XPR1: variants seen among roughly 807,000 people sequenced by gnomAD.
XPR1 encodes the protein xenotropic and polytropic retrovirus receptor 1, also known as solute carrier family 53 member 1.
Under a neutral mutation model 87.5 loss-of-function variants are expected in XPR1, and 28 were observed. That is an observed-to-expected ratio of 0.32 (90% CI 0.24 to 0.44). The LOEUF is 0.44. Among genes scored for constraint, XPR1 ranks in the 20% least tolerant of loss-of-function variants. XPR1 has a pLI of 1.00. For missense variants in XPR1, 559 were observed against 862.3 expected (o/e 0.65, Z 4.41); for synonymous variants, 300 against 306.1 (o/e 0.98, Z 0.21).
intron 2 of XPR1, among the ~76,000 whole-genome samples, chr1:180,773,772 A>C (rs1648607903): frequency 6.6e-6 from 1 of 152,110 alleles, no homozygotes; most frequent in Non-Finnish European, 1.5e-5. Flanking sequence ...TGCAGCTATA[A>C]AGTATGCTTC....
chr1:180,770,879 G>T (rs1023095406), intron 2 of XPR1, among the ~76,000 whole-genome samples: 6 of 151,782 alleles, frequency 4.0e-5, no homozygotes, highest in Non-Finnish European at 5.9e-5. Context: ...CTCAACTCCC[G>T]CTTATTATTA....
chr1:180,874,258 G>A (rs1652591650), intron 13 of XPR1, among the ~76,000 whole-genome samples: 1 of 152,132 alleles, frequency 6.6e-6, no homozygotes, highest in Non-Finnish European at 1.5e-5. Flanking sequence ...TCTTTAGAAC[G>A]GGGTTCCATT....
chr1:180,662,951 A>C (rs1305037357), intron 1 of XPR1, among the ~76,000 whole-genome samples: 1 of 152,010 alleles, frequency 6.6e-6, no homozygotes, highest in African/African-American at 2.4e-5. Flanking sequence ...TGCATTTTCA[A>C]CTCCAGAATT....
rs10914123 is a variant in XPR1 at position 180,880,358 on chromosome 1, T to C, written c.2030+61T>C. 0.53 allele frequency: 837,281 copies of C among 1,585,360 alleles called. 224,715 individuals carry two copies. Among genetic ancestry groups the C allele is most frequent in the East Asian group, 0.81 (35,983 of 44,662 alleles). ...CTTTGAGTTTTAGCATTGGGTAGCA[T>C]GTAAGCTAAAAAGCTATCAGGTTGA... On this transcript the variant is annotated intron_variant, in intron 14 of 14. Coordinates refer to ENST00000367590, the MANE Select transcript of XPR1 (RefSeq NM_004736.4).
At position 180,672,566 on chromosome 1, in the gene XPR1, A is replaced by C. The variant is rs535832391; in HGVS notation, c.70-9794A>C. 5.3e-5 allele frequency among the ~76,000 whole-genome samples: 8 copies of C among 152,310 alleles called. No individual in the cohort carries two copies. In the South Asian group the frequency reaches 1.4e-3, roughly 28 times the overall value. Reference sequence around the variant, plus strand: ...TCTTTTGAGGTTTATAATTTGATTTACAAAACTGTCCTGTTTATTTTAGTA... The same window carrying C: ...TCTTTTGAGGTTTATAATTTGATTTCCAAAACTGTCCTGTTTATTTTAGTA... On this transcript the variant is annotated intron_variant, in intron 1 of 14. Transcript: ENST00000367590.
intron 9 of XPR1, among the ~76,000 whole-genome samples, chr1:180,825,965 G>A (rs28629326): frequency 6.6e-4 from 101 of 152,026 alleles, no homozygotes; most frequent in African/African-American, 2.4e-3. Flanking sequence ...CAGGAGAATC[G>A]CTAGAACCCC....
chr1:180,824,592 G>A lies in XPR1; in HGVS notation c.764-161G>A, dbSNP rs6672129. ...GAGACTGTCTCAAAAAAATAAATAG[G>A]TAGATAGATAGATAGATAGATGATA... On this transcript the variant is annotated intron_variant, in intron 7 of 14. Coordinates refer to ENST00000367590, the MANE Select transcript of XPR1 (RefSeq NM_004736.4). 0.036 allele frequency among the ~76,000 whole-genome samples: 5,343 copies of A among 149,832 alleles called. 347 individuals are homozygous for A. The highest frequency in any genetic ancestry group is 0.13 in the African/African-American group (5,020 of 39,506).
chr1:180,872,683 G>A (rs1315247135), intron 12 of XPR1, among the ~76,000 whole-genome samples: 2 of 138,634 alleles, frequency 1.4e-5, no homozygotes, highest in African/African-American at 5.4e-5. Flanking sequence ...GCTCGCGCAC[G>A]GTGCGCACAC....
chr1:180,794,836 C>A (rs570852103), intron 3 of XPR1, among the ~76,000 whole-genome samples: 1 of 152,146 alleles, frequency 6.6e-6, no homozygotes, highest in South Asian at 2.1e-4. Flanking sequence ...TCTTTTGAGG[C>A]TGAAGTTGTA....
intron 3 of XPR1, among the ~76,000 whole-genome samples, chr1:180,792,714 G>C (rs1649430787): frequency 6.6e-6 from 1 of 152,076 alleles, no homozygotes; most frequent in Admixed American, 6.6e-5. Context: ...AAGTCTCTTA[G>C]TTCTCTTCTG....
At chr1:180,739,623 G>A (rs1003801169) in intron 2 of XPR1, among the ~76,000 whole-genome samples, 46 of 152,030 alleles carry the variant, frequency 3.0e-4, no homozygotes, top group African/African-American at 1.1e-3. Context: ...GTAGTTTTCC[G>A]TATACAGATC....
At chr1:180,809,957 C>G (rs1650148703) in intron 6 of XPR1, among the ~76,000 whole-genome samples, 1 of 152,064 alleles carries the variant, frequency 6.6e-6, no homozygotes, top group Non-Finnish European at 1.5e-5. Context: ...AATAATAAGA[C>G]AGAGGGGAGT....
At chr1:180,768,962 A>C (rs1180268957) in intron 2 of XPR1, among the ~76,000 whole-genome samples, 2 of 152,352 alleles carry the variant, frequency 1.3e-5, no homozygotes, top group South Asian at 2.1e-4. Context: ...AGATCAATTC[A>C]AAAGAAAAAA....
chr1:180,807,718 A>G (rs1216360299), intron 6 of XPR1, among the ~76,000 whole-genome samples: 2 of 152,178 alleles, frequency 1.3e-5, no homozygotes, highest in East Asian at 3.9e-4. Context: ...AAAAATTTAT[A>G]TGGAGGCCAG....
chr1:180,634,112 C>A (rs1654686745), intron 1 of XPR1, among the ~76,000 whole-genome samples: 1 of 152,164 alleles, frequency 6.6e-6, no homozygotes, highest in Non-Finnish European at 1.5e-5. Flanking sequence ...CACATTGATT[C>A]TGGGACTCCT....
intron 2 of XPR1, among the ~76,000 whole-genome samples, chr1:180,727,699 A>G (rs1658403449): frequency 6.6e-6 from 1 of 152,224 alleles, no homozygotes; most frequent in Non-Finnish European, 1.5e-5. Context: ...GAATGAAGGA[A>G]TGGCTGCTCC....
chr1:180,651,856 C>G (rs573182934), intron 1 of XPR1, among the ~76,000 whole-genome samples: 2 of 152,176 alleles, frequency 1.3e-5, no homozygotes, highest in South Asian at 4.1e-4. Context: ...TGGAAATGCT[C>G]TAAAATAATT....
intron 1 of XPR1, among the ~76,000 whole-genome samples, chr1:180,656,509 T>TATAAATA (rs368572705): frequency 2.1e-4 from 1 of 4,856 alleles, no homozygotes; most frequent in African/African-American, 4.1e-4. Flanking sequence ...ATATATAATA[T>TATAAATA]TTATATATAA....
At chr1:180,698,850 G>A (rs1021929207) in intron 2 of XPR1, among the ~76,000 whole-genome samples, 1 of 152,114 alleles carries the variant, frequency 6.6e-6, no homozygotes, top group Non-Finnish European at 1.5e-5. Context: ...CTTCTGACCT[G>A]TAAGGTTTGT....
Sources: allele counts gnomAD v4.1 joint callset (sites outside exome capture counted in the v4.1 genomes callset), GRCh38; gene constraint gnomAD v4.1.1; transcripts MANE v1.5; gene names NCBI Gene and HGNC (gene_info 2026-07-23, HGNC 2026-07-21).